CNTN4: variants seen among roughly 807,000 people sequenced by gnomAD.
CNTN4 encodes contactin-4.
Under a neutral mutation model 122.5 loss-of-function variants are expected in CNTN4, and 77 were observed. That is an observed-to-expected ratio of 0.63 (90% CI 0.52 to 0.76). The LOEUF (loss-of-function observed/expected upper bound fraction) is 0.76, where lower values mean the gene tolerates loss of function less well. CNTN4 is among the 30% of genes least tolerant of loss of function. CNTN4 has a pLI of 0.00. For missense variants in CNTN4, 1,256 were observed against 1,259.1 expected, an observed-to-expected ratio of 1.00 and a Z score of 0.04; for synonymous variants, 512 against 447.0, an observed-to-expected ratio of 1.15 and a Z score of -1.83.
intron 13 of CNTN4, among the ~76,000 whole-genome samples, chr3:2,952,902 T>C (rs1297975351): frequency 6.6e-6 from 1 of 152,214 alleles, no homozygotes; most frequent in Admixed American, 6.5e-5. Flanking sequence ...AGTGAGTGCC[T>C]AATATGTGCT....
intron 6 of CNTN4, among the ~76,000 whole-genome samples, chr3:2,784,690 T>A (rs1338670050): frequency 6.6e-6 from 1 of 152,230 alleles, no homozygotes; most frequent in Non-Finnish European, 1.5e-5. Flanking sequence ...GTGGCCGACC[T>A]GGCTGGATTA....
At chr3:2,431,367 T>A (rs555615145) in intron 3 of CNTN4, among the ~76,000 whole-genome samples, 1 of 152,364 alleles carries the variant, frequency 6.6e-6, no homozygotes, top group South Asian at 2.1e-4. Context: ...CTTTTTTATA[T>A]GTACGTGTAT....
At chr3:2,203,500 G>A (rs1400103463) in intron 2 of CNTN4, among the ~76,000 whole-genome samples, 1 of 152,036 alleles carries the variant, frequency 6.6e-6, no homozygotes, top group East Asian at 1.9e-4. Context: ...AGAAAGCAAA[G>A]TAGAGCATGT....
chr3:2,207,444 G>C (rs996735112), intron 2 of CNTN4, among the ~76,000 whole-genome samples: 4 of 152,040 alleles, frequency 2.6e-5, no homozygotes, highest in Non-Finnish European at 5.9e-5. Flanking sequence ...AATTACAAGT[G>C]AACAGACAAA....
At chr3:2,818,154 C>G (rs939690039) in intron 6 of CNTN4, among the ~76,000 whole-genome samples, 10 of 152,154 alleles carry the variant, frequency 6.6e-5, no homozygotes, top group African/African-American at 2.4e-4. Context: ...ACAATGCTTG[C>G]CTTCTGAGTT....
intron 2 of CNTN4, among the ~76,000 whole-genome samples, chr3:2,103,110 A>T (rs1044631487): frequency 1.3e-5 from 2 of 152,032 alleles, no homozygotes; most frequent in Non-Finnish European, 2.9e-5. Context: ...TTATTTGTTC[A>T]TCATAGCTAG....
At chr3:2,489,741 A>G (rs1241343212) in intron 3 of CNTN4, among the ~76,000 whole-genome samples, 1 of 152,174 alleles carries the variant, frequency 6.6e-6, no homozygotes, top group Non-Finnish European at 1.5e-5. Flanking sequence ...AATAAGCCAC[A>G]TATTTAGCTG....
intron 4 of CNTN4, among the ~76,000 whole-genome samples, chr3:2,693,419 G>T (rs910390620): frequency 6.6e-6 from 1 of 152,186 alleles, no homozygotes; most frequent in Admixed American, 6.5e-5. Context: ...TTAGATGCAG[G>T]CAGAATACAA....
chr3:2,342,189 CT>C (rs58376468), intron 3 of CNTN4, among the ~76,000 whole-genome samples: 3 of 151,896 alleles, frequency 2.0e-5, no homozygotes, highest in East Asian at 3.9e-4. Context: ...TCTCTGACCT[CT>C]TTTTTTTACA....
chr3:2,621,496 G>A (rs551073190), intron 4 of CNTN4, among the ~76,000 whole-genome samples: 4 of 152,042 alleles, frequency 2.6e-5, no homozygotes, highest in East Asian at 1.9e-4. Flanking sequence ...GGGGCCTGTC[G>A]GGGGGTGGGG....
At chr3:2,583,387 A>T (rs1166871475) in intron 4 of CNTN4, among the ~76,000 whole-genome samples, 10 of 152,242 alleles carry the variant, frequency 6.6e-5, no homozygotes, top group African/African-American at 2.4e-4. Flanking sequence ...TCACATGGCT[A>T]AGTGCTTTCA....
intron 13 of CNTN4, among the ~76,000 whole-genome samples, chr3:2,930,928 T>A (rs1050659414): frequency 6.6e-6 from 1 of 152,228 alleles, no homozygotes; most frequent in Non-Finnish European, 1.5e-5. Flanking sequence ...ATAAAGGTGA[T>A]GTATTGAGAA....
At chr3:3,019,242 T>C (rs1053952052) in intron 14 of CNTN4, among the ~76,000 whole-genome samples, 1 of 152,178 alleles carries the variant, frequency 6.6e-6, no homozygotes, top group African/African-American at 2.4e-5. Context: ...TTGATGACCA[T>C]CAGGTACTGG....
At chr3:2,582,750 C>G (rs922765375) in intron 4 of CNTN4, among the ~76,000 whole-genome samples, 2 of 152,070 alleles carry the variant, frequency 1.3e-5, no homozygotes, top group African/African-American at 2.4e-5. Context: ...TCAATTTTGT[C>G]CTAGATTGGC....
intron 6 of CNTN4, among the ~76,000 whole-genome samples, chr3:2,805,672 G>A (rs1445027130): frequency 1.3e-5 from 2 of 152,092 alleles, no homozygotes; most frequent in African/African-American, 2.4e-5. Flanking sequence ...AACAATGGGG[G>A]CAGTGAGCAG....
intron 4 of CNTN4, among the ~76,000 whole-genome samples, chr3:2,593,999 G>C (rs903965596): frequency 6.6e-6 from 1 of 152,078 alleles, no homozygotes; most frequent in South Asian, 2.1e-4. Flanking sequence ...CATTATTTGT[G>C]TATTCCAAAT....
intron 7 of CNTN4, among the ~76,000 whole-genome samples, chr3:2,821,164 C>T (rs753450198): frequency 6.6e-6 from 1 of 151,906 alleles, no homozygotes; most frequent in Admixed American, 6.6e-5. Flanking sequence ...ACCATGTTGA[C>T]CAGGCTGGTC....
intron 3 of CNTN4, among the ~76,000 whole-genome samples, chr3:2,452,584 G>T (rs9858788): frequency 0.061 from 9,290 of 152,104 alleles, 379 homozygotes; most frequent in African/African-American, 0.12. Context: ...GCATGCGCAC[G>T]GTTCCTGAAA....
At chr3:2,276,606 A>G (rs771146009) in intron 2 of CNTN4, among the ~76,000 whole-genome samples, 4 of 152,172 alleles carry the variant, frequency 2.6e-5, no homozygotes, top group Non-Finnish European at 5.9e-5. Flanking sequence ...TTCTCAATAA[A>G]TAGCTTTTGT....
Sources: allele counts gnomAD v4.1 joint callset (sites outside exome capture counted in the v4.1 genomes callset), GRCh38; gene constraint gnomAD v4.1.1; transcripts MANE v1.5; gene names NCBI Gene and HGNC (gene_info 2026-07-23, HGNC 2026-07-21).